RFPL4AL1: variants seen among roughly 807,000 people sequenced by gnomAD.
RFPL4AL1 encodes the protein ret finger protein like 4A like 1.
In RFPL4AL1, 2 loss-of-function variants were observed where a neutral mutation model predicts 8.2. That is an observed-to-expected ratio of 0.24 (90% CI 0.10 to 0.77). The LOEUF is 0.77. RFPL4AL1 is among the 30% of genes least tolerant of loss of function. RFPL4AL1 has a pLI of 0.72. For synonymous variants in RFPL4AL1, 25 were observed against 131.8 expected (o/e 0.19, Z 5.55); for missense variants, 57 against 350.3 (o/e 0.16, Z 6.68).
intron 1 of RFPL4AL1, among the ~76,000 whole-genome samples, chr19:55,770,977 C>CT (rs58993450): frequency 0.21 from 29,358 of 141,382 alleles, 154 homozygotes; most frequent in South Asian, 0.37. Flanking sequence ...ATTATTTTGG[C>CT]TTTTTTTTCT....
rs772383707 is a variant in RFPL4AL1, at chr19:55,772,864, A to G, written c.549A>G (p.Glu183=). ...NRQGKIELSS[E]HGFLTVGCRE... ...AGGGGAAGATTGAGCTTTCTTCAGA[A>G]CACGGCTTCTTGACTGTGGGTTGCA... The change falls in exon 3 of 3, where the codon GAA becomes GAG. Residue 183 remains glutamate (E), a synonymous_variant. Transcript: ENST00000341750. The G allele has an allele frequency of 5.5e-5, 85 of 1,550,728 alleles. 1 individual carries two copies. The East Asian group carries it at 1.8e-3, about 33-fold the overall frequency.
chr19:55,772,147 C>G, intron 2 of RFPL4AL1, 57 bp downstream of exon 2: 1 of 1,469,942 alleles, frequency 6.8e-7, no homozygotes, highest in Non-Finnish European at 9.2e-7. Flanking sequence ...AAACGACTTT[C>G]AAACATTTCT....
At chr19:55,770,909 C>T (rs867831090) in intron 1 of RFPL4AL1, among the ~76,000 whole-genome samples, 3 of 151,900 alleles carry the variant, frequency 2.0e-5, no homozygotes, top group Non-Finnish European at 2.9e-5. Context: ...ACTTGCTGGT[C>T]GTTGGTGTGT....
In RFPL4AL1 at chr19:55,773,156, C is replaced by A. The variant is rs566003799; in HGVS notation, c.841C>A (p.Pro281Thr). Reference sequence around the variant, plus strand: ...GATCAATCCATCCACTGCCAGTGCCCCAGTTTCTTCTGAGGGAAAGTAAAT... The same window carrying A: ...GATCAATCCATCCACTGCCAGTGCCACAGTTTCTTCTGAGGGAAAGTAAAT... Reference protein sequence around the residue: ...SVINPSTASAPVSSEGK With the variant: ...SVINPSTASATVSSEGK Residue 281 changes from proline (P) to threonine (T), a missense_variant, in exon 3 of 3, where the codon CCA becomes ACA. By Grantham distance (38) the Pro-to-Thr change is conservative. Transcript: ENST00000341750. 1.1e-3 allele frequency: 1,706 copies of A among 1,540,562 alleles called. No individual in the cohort carries two copies. In the South Asian group the frequency reaches 0.019, roughly 18 times the overall value.
At chr19:55,769,720 G>T (rs933209454) in intron 1 of RFPL4AL1, among the ~76,000 whole-genome samples, 2 of 151,678 alleles carry the variant, frequency 1.3e-5, no homozygotes, top group Non-Finnish European at 1.5e-5. Context: ...ACAGGGTCTC[G>T]CTCTGTCTGC....
rs78244980 is a variant in RFPL4AL1 at position 55,773,091 on chromosome 19, G to A, written c.776G>A (p.Gly259Glu). The change falls in exon 3 of 3, where the codon GGA (glycine) becomes GAA (glutamate). Residue 259 changes from glycine to glutamate, a missense_variant. Gly to Glu is a moderately conservative substitution (Grantham distance 98, BLOSUM62 -2). Transcript: ENST00000341750. ...CGTCCATTTTTTGCTCATAAACGTG[G>A]AAGTCAAGATGATCAGAGCATCCTG... Reference protein sequence around the residue: ...PWRPFFAHKRGSQDDQSILSI... With the variant: ...PWRPFFAHKRESQDDQSILSI... 0.34 allele frequency: 466,933 copies of A among 1,385,598 alleles called. 60,015 individuals carry two copies. Among genetic ancestry groups the A allele is most frequent in the African/African-American group, 0.56 (36,696 of 65,132 alleles). The allele number at this position is 1,385,598 out of a possible 1,614,324, so 85.8% of individuals were successfully genotyped here. A position where few individuals can be genotyped will look rare whatever the true frequency, so the allele number is the denominator to read the frequency against.
chr19:55,771,079 G>GGTTTT (rs1555799515), intron 1 of RFPL4AL1, among the ~76,000 whole-genome samples: 2 of 89,530 alleles, frequency 2.2e-5, no homozygotes, highest in Admixed American at 1.4e-4. Context: ...TTTTAGTTCT[G>GGTTTT]TTTTTTGTTT....
At chr19:55,770,079 C>T (rs1227513695) in intron 1 of RFPL4AL1, among the ~76,000 whole-genome samples, 1 of 151,946 alleles carries the variant, frequency 6.6e-6, no homozygotes, top group Non-Finnish European at 1.5e-5. Context: ...GTTGCTGGAA[C>T]ACAGGCAGTT....
intron 1 of RFPL4AL1, among the ~76,000 whole-genome samples, chr19:55,769,685 T>C (rs1331996902): frequency 6.6e-6 from 1 of 151,926 alleles, no homozygotes; most frequent in South Asian, 2.1e-4. Context: ...GGATGGGGAT[T>C]CATTATTTCT....
chr19:55,770,457 G>C (rs372423247), intron 1 of RFPL4AL1, among the ~76,000 whole-genome samples: 3 of 151,926 alleles, frequency 2.0e-5, no homozygotes, highest in African/African-American at 7.3e-5. Context: ...CTGAAAGCTG[G>C]TGGCGTTCAA....
At chr19:55,769,719 C>T (rs1332322073) in intron 1 of RFPL4AL1, among the ~76,000 whole-genome samples, 8 of 151,834 alleles carry the variant, frequency 5.3e-5, no homozygotes, top group East Asian at 1.9e-4. Context: ...GACAGGGTCT[C>T]GCTCTGTCTG....
chr19:55,771,175 G>GCA (rs1989490669), intron 1 of RFPL4AL1, among the ~76,000 whole-genome samples: 3 of 139,910 alleles, frequency 2.1e-5, no homozygotes, highest in African/African-American at 5.2e-5. Flanking sequence ...CTTTTGGTGT[G>GCA]CTATCAGGGT....
chr19:55,769,875 C>T (rs113226022), intron 1 of RFPL4AL1, among the ~76,000 whole-genome samples: 30,563 of 148,586 alleles, frequency 0.21, 251 homozygotes, highest in South Asian at 0.3. Context: ...CACATTGGTG[C>T]AATGCCAGAA....
chr19:55,770,723 T>A (rs1449484218), intron 1 of RFPL4AL1, among the ~76,000 whole-genome samples: 4 of 151,984 alleles, frequency 2.6e-5, no homozygotes, highest in Non-Finnish European at 4.4e-5. Context: ...GAGCCCAGGT[T>A]CCTCCTTGTC....
chr19:55,772,841 G>T lies in RFPL4AL1; in HGVS notation c.526G>T (p.Gly176Trp). ...GTGCAAGGAATCTGTCAACCGACAG[G>T]GGAAGATTGAGCTTTCTTCAGAACA... Reference protein sequence around the residue: ...GVCKESVNRQGKIELSSEHGF... With the variant: ...GVCKESVNRQWKIELSSEHGF... The change falls in exon 3 of 3, where the codon GGG becomes TGG. Residue 176 changes from glycine to tryptophan, a missense_variant. By Grantham distance (184) the Gly-to-Trp change is radical. Transcript: ENST00000341750. 2 of 1,550,740 alleles carry T rather than the reference G, an allele frequency of 1.3e-6. No homozygotes were observed. Among genetic ancestry groups the T allele is most frequent in the South Asian group, 1.2e-5 (1 of 83,946 alleles).
chr19:55,771,655 G>A, intron 1 of RFPL4AL1, 141 bp from the exon 2 acceptor site: 4 of 1,023,246 alleles, frequency 3.9e-6, no homozygotes, highest in Non-Finnish European at 5.6e-6. Context: ...TATTCATGTT[G>A]TGTCTTCATC....
intron 1 of RFPL4AL1, among the ~76,000 whole-genome samples, chr19:55,771,079 GTTTTTTGTTTTTTT>G (rs1989484864): frequency 1.1e-5 from 1 of 89,558 alleles, no homozygotes; most frequent in Admixed American, 1.4e-4. Context: ...TTTTAGTTCT[GTTTTTTGTTTTTTT>G]TTTTTTTTTT....
At chr19:55,769,317 C>T (rs1007697800) in intron 1 of RFPL4AL1, 142 bp downstream of exon 1, 1 of 152,058 alleles carries the variant, frequency 6.6e-6, no homozygotes, top group Admixed American at 6.6e-5. Flanking sequence ...ATTGGGACCT[C>T]TGCCCTGGTA....
At position 55,773,173 on chromosome 19, in the gene RFPL4AL1, A is replaced by G. The variant is rs1365727224; in HGVS notation, c.858A>G (p.Gly286=). Residue 286 remains glycine, a synonymous_variant, in exon 3 of 3, where the codon GGA becomes GGG. Coordinates refer to ENST00000341750, the MANE Select transcript of RFPL4AL1 (RefSeq NM_001277397.2). The part of the protein sequence containing the change: ...STASAPVSSE[G]K The stretch of plus-strand genomic sequence containing the variant: ...CCAGTGCCCCAGTTTCTTCTGAGGG[A>G]AAGTAAATAAACATTTGAACATAAT... 1 of 1,516,970 alleles carries G rather than the reference A, an allele frequency of 6.6e-7. No homozygotes were observed. The highest frequency in any genetic ancestry group is 8.9e-7 in the Non-Finnish European group (1 of 1,118,090). 94.0% of individuals were successfully genotyped at this position (1,516,970 alleles called of 1,614,324 possible). A position where few individuals can be genotyped will look rare whatever the true frequency, so the allele number is the denominator to read the frequency against.
Sources: gnomAD v4.1 joint callset for allele counts (sites outside exome capture counted in the v4.1 genomes callset) on GRCh38, gnomAD v4.1.1 for gene constraint, MANE v1.5 for transcripts, NCBI Gene and HGNC (gene_info 2026-07-23, HGNC 2026-07-21) for gene names.